Variants in PCDH15 observed in about 807,000 individuals in gnomAD.
PCDH15 encodes protocadherin related 15.
A neutral mutation model predicts 178.5 loss-of-function variants in PCDH15; 129 were observed. The ratio of observed to expected loss-of-function variants is 0.72; its 90% CI spans 0.63 to 0.84. PCDH15 has a LOEUF of 0.84. PCDH15 is among the 40% of genes least tolerant of loss of function. PCDH15 has a pLI of 0.00. For synonymous variants in PCDH15, 800 were observed against 732.0 expected, an observed-to-expected ratio of 1.09 and a Z score of -1.50; for missense variants, 2,230 against 2,099.9, an observed-to-expected ratio of 1.06 and a Z score of -1.21.
chr10:55,079,667 G>T (rs1841989866), intron 2 of PCDH15, among the ~76,000 whole-genome samples: 1 of 152,122 alleles, frequency 6.6e-6, no homozygotes, highest in Admixed American at 6.6e-5. Flanking sequence ...AGTGTGGCAT[G>T]GGCAATGGCA....
At chr10:53,972,769 A>T (rs1408108707) in intron 21 of PCDH15, among the ~76,000 whole-genome samples, 2 of 152,180 alleles carry the variant, frequency 1.3e-5, no homozygotes, top group Non-Finnish European at 2.9e-5. Flanking sequence ...TAGAATGGTG[A>T]TCATTAAAAA....
chr10:55,359,448 G>A (rs1845167339), intron 2 of PCDH15, among the ~76,000 whole-genome samples: 1 of 151,744 alleles, frequency 6.6e-6, no homozygotes, highest in Non-Finnish European at 1.5e-5. Flanking sequence ...GCATAGTGGT[G>A]AGGATGTGGA....
chr10:53,997,595 T>C (rs996700796), intron 20 of PCDH15, among the ~76,000 whole-genome samples: 1 of 152,184 alleles, frequency 6.6e-6, no homozygotes, highest in Non-Finnish European at 1.5e-5. Context: ...TTTTGGAAAA[T>C]TTGATTCTTC....
intron 2 of PCDH15, among the ~76,000 whole-genome samples, chr10:55,615,260 T>C (rs145499665): frequency 6.6e-6 from 1 of 152,210 alleles, no homozygotes; most frequent in South Asian, 2.1e-4. Context: ...AACTTACATA[T>C]ATGAAAATAA....
At chr10:54,479,991 C>T (rs573207178) in intron 3 of PCDH15, among the ~76,000 whole-genome samples, 4 of 151,772 alleles carry the variant, frequency 2.6e-5, no homozygotes, top group African/African-American at 7.3e-5. Flanking sequence ...TTATTTGCCT[C>T]GAAATATAAT....
chr10:55,362,257 G>C (rs1845249124), intron 2 of PCDH15, among the ~76,000 whole-genome samples: 1 of 151,730 alleles, frequency 6.6e-6, no homozygotes, highest in African/African-American at 2.4e-5. Context: ...AACTACTCGT[G>C]GTACTTTTTT....
chr10:55,253,008 T>C (rs1841881213), intron 1 of PCDH15, among the ~76,000 whole-genome samples: 1 of 152,164 alleles, frequency 6.6e-6, no homozygotes. Flanking sequence ...AGGTCTGGAA[T>C]GGTTGTGATG....
At chr10:55,486,147 A>C (rs901985742) in intron 2 of PCDH15, among the ~76,000 whole-genome samples, 1 of 151,654 alleles carries the variant, frequency 6.6e-6, no homozygotes, top group African/African-American at 2.4e-5. Context: ...ACTGTAATAA[A>C]TTGTAACTGT....
intron 1 of PCDH15, among the ~76,000 whole-genome samples, chr10:54,748,464 C>A (rs2132931262): frequency 6.6e-6 from 1 of 152,240 alleles, no homozygotes; most frequent in South Asian, 2.1e-4. Flanking sequence ...TAACAAGAAT[C>A]TGTTAAAATG....
intron 1 of PCDH15, among the ~76,000 whole-genome samples, chr10:54,756,913 C>G (rs1947207750): frequency 6.6e-6 from 1 of 152,082 alleles, no homozygotes; most frequent in African/African-American, 2.4e-5. Flanking sequence ...AATGAAATTC[C>G]TAAGTAGGAG....
intron 1 of PCDH15, among the ~76,000 whole-genome samples, chr10:55,294,982 C>G (rs149129048): frequency 6.6e-6 from 1 of 152,126 alleles, no homozygotes; most frequent in Admixed American, 6.5e-5. Flanking sequence ...ATTAGTATTA[C>G]AAGTTCCACC....
chr10:54,757,725 A>G (rs1947346610), intron 1 of PCDH15, among the ~76,000 whole-genome samples: 1 of 152,198 alleles, frequency 6.6e-6, no homozygotes, highest in African/African-American at 2.4e-5. Context: ...AGTTTTATTT[A>G]TGCCGAGAGA....
At chr10:55,498,975 GA>G (rs1418610045) in intron 2 of PCDH15, among the ~76,000 whole-genome samples, 1 of 151,884 alleles carries the variant, frequency 6.6e-6, no homozygotes, top group Non-Finnish European at 1.5e-5. Context: ...TCTAGGAGTT[GA>G]AAAATTATGT....
chr10:55,489,484 A>G (rs1840368134), intron 2 of PCDH15, among the ~76,000 whole-genome samples: 1 of 151,710 alleles, frequency 6.6e-6, no homozygotes, highest in Non-Finnish European at 1.5e-5. Flanking sequence ...TTTTCTAGGC[A>G]GTACTTAGCT....
intron 2 of PCDH15, among the ~76,000 whole-genome samples, chr10:54,570,070 GTGTT>G (rs2089597075): frequency 6.6e-6 from 1 of 151,948 alleles, no homozygotes; most frequent in African/African-American, 2.4e-5. Context: ...GTGTGTGTGT[GTGTT>G]TGTGTGAATG....
chr10:54,726,628 T>C (rs1469269984), intron 1 of PCDH15, among the ~76,000 whole-genome samples: 3 of 151,538 alleles, frequency 2.0e-5, no homozygotes, highest in African/African-American at 7.3e-5. Context: ...CAACAAAGTA[T>C]AAATGCAATC....
chr10:55,191,044 A>G (rs1034186011), intron 1 of PCDH15, among the ~76,000 whole-genome samples: 2 of 151,778 alleles, frequency 1.3e-5, no homozygotes, highest in African/African-American at 4.8e-5. Context: ...TAAGAGTTAA[A>G]GTAATATTGT....
At chr10:54,962,287 C>A (rs1838676704) in intron 2 of PCDH15, among the ~76,000 whole-genome samples, 1 of 152,140 alleles carries the variant, frequency 6.6e-6, no homozygotes, top group African/African-American at 2.4e-5. Context: ...TCTCTGCTGG[C>A]ACTGGGCAGC....
At chr10:54,812,881 A>G (rs1479811184) in intron 3 of PCDH15, among the ~76,000 whole-genome samples, 2 of 152,162 alleles carry the variant, frequency 1.3e-5, no homozygotes, top group Non-Finnish European at 2.9e-5. Flanking sequence ...CTCTTTAAAT[A>G]GCAAACTCTT....
Sources: gnomAD v4.1 joint callset for allele counts (sites outside exome capture counted in the v4.1 genomes callset) on GRCh38, gnomAD v4.1.1 for gene constraint, MANE v1.5 for transcripts, NCBI Gene and HGNC (gene_info 2026-07-23, HGNC 2026-07-21) for gene names.